CR1L: variants seen among roughly 807,000 people sequenced by gnomAD.
CR1L encodes complement C3b/C4b receptor 1 like.
Under a neutral mutation model 62.3 loss-of-function variants are expected in CR1L, and 59 were observed. The ratio of observed to expected loss-of-function variants is 0.95; its 90% CI spans 0.77 to 1.18. The LOEUF (loss-of-function observed/expected upper bound fraction) is 1.18. CR1L is among the 50% of genes most tolerant of loss of function. CR1L has a pLI of 0.00. For missense variants in CR1L, 700 were observed against 702.8 expected (o/e 1.00, Z 0.04); for synonymous variants, 279 against 248.7 (o/e 1.12, Z -1.15).
chr1:207,651,340 A>G (rs991132072), intron 1 of CR1L, among the ~76,000 whole-genome samples: 1 of 152,200 alleles, frequency 6.6e-6, no homozygotes, highest in Non-Finnish European at 1.5e-5. Flanking sequence ...AGGACATGAT[A>G]TATAAAGAAA....
chr1:207,658,086 A>T (rs189994444), intron 1 of CR1L, among the ~76,000 whole-genome samples: 64 of 152,340 alleles, frequency 4.2e-4, no homozygotes, highest in African/African-American at 1.4e-3. Context: ...GAATTGAATC[A>T]TAACACATCA....
chr1:207,677,179 G>A lies in CR1L; in HGVS notation c.98-210G>A, dbSNP rs187761228. On this transcript the variant is annotated intron_variant, in intron 1 of 11. Transcript: ENST00000508064. Reference sequence around the variant, plus strand: ...TCTACTAAAAATTCAAAAATTAGCCGGATGTGATGGCAGGCGCCTGTAATC... The same window carrying A: ...TCTACTAAAAATTCAAAAATTAGCCAGATGTGATGGCAGGCGCCTGTAATC... Among the ~76,000 whole-genome samples, 731 of 151,650 alleles carry A rather than the reference G, an allele frequency of 4.8e-3. 6 individuals are homozygous for A. The highest frequency in any genetic ancestry group is 8.0e-3 in the Non-Finnish European group (544 of 67,868).
intron 1 of CR1L, among the ~76,000 whole-genome samples, chr1:207,650,788 ATTT>A (rs59483254): frequency 2.5e-4 from 36 of 146,702 alleles, no homozygotes; most frequent in Non-Finnish European, 3.9e-4. Flanking sequence ...TGCAGTGTAG[ATTT>A]TTTTTTTTTT....
intron 8 of CR1L, 29 bp from the exon 9 acceptor site, chr1:207,701,490 C>G (rs776660607): frequency 1.2e-6 from 2 of 1,612,852 alleles, no homozygotes; most frequent in Non-Finnish European, 1.7e-6. Flanking sequence ...ATTACTCTAC[C>G]TGGCTCCAAA....
rs1006745927 is a variant in CR1L, at chr1:207,718,413, G to T, written c.1642+722G>T. Among the ~76,000 whole-genome samples the T allele has an allele frequency of 1.3e-5, 2 of 152,138 alleles. 1 individual carries two copies. Among genetic ancestry groups the T allele is most frequent in the South Asian group, 4.1e-4 (2 of 4,826 alleles). On this transcript the variant is annotated intron_variant, in intron 11 of 11. Coordinates refer to ENST00000508064, the MANE Select transcript of CR1L (RefSeq NM_175710.2). ...GACAGAAGAGCATTGAATTATAAAA[G>T]GTGTTGACTTTTTAATGTGTTCTTT... is the stretch of plus-strand genomic sequence containing the variant.
intron 4 of CR1L, among the ~76,000 whole-genome samples, chr1:207,690,051 A>C (rs1361775382): frequency 6.6e-6 from 1 of 152,004 alleles, no homozygotes; most frequent in East Asian, 1.9e-4. Flanking sequence ...TAAGCTTTTC[A>C]TATAAACTAC....
chr1:207,683,902 A>G lies in CR1L; in HGVS notation c.408A>G (p.Thr136=), dbSNP rs768263621. Residue 136 remains threonine (T), a synonymous_variant, in exon 4 of 12, where the codon ACA becomes ACG. Coordinates refer to ENST00000508064, the MANE Select transcript of CR1L (RefSeq NM_175710.2). ...GYRLIGSSSA[T]CIISGNTVIW... Reference sequence around the variant, plus strand: ...GACTCATTGGTTCCTCGTCTGCCACATGCATCATCTCAGGCAACACTGTCA... The same window carrying G: ...GACTCATTGGTTCCTCGTCTGCCACGTGCATCATCTCAGGCAACACTGTCA... 1.2e-6 allele frequency: 2 copies of G among 1,613,574 alleles called. No individual in the cohort carries two copies. The highest frequency in any genetic ancestry group is 8.5e-7 in the Non-Finnish European group (1 of 1,179,640).
intron 3 of CR1L, among the ~76,000 whole-genome samples, chr1:207,681,304 C>T (rs1663792422): frequency 6.6e-6 from 1 of 152,122 alleles, no homozygotes; most frequent in Admixed American, 6.5e-5. Flanking sequence ...TTTCCTGAAC[C>T]ATGGCTTAAC....
intron 1 of CR1L, among the ~76,000 whole-genome samples, chr1:207,654,106 C>G (rs1663269632): frequency 6.6e-6 from 1 of 152,144 alleles, no homozygotes. Flanking sequence ...TCTTAATGCC[C>G]TAATCATTTC....
At chr1:207,696,132 C>T (rs1337061440) in intron 5 of CR1L, among the ~76,000 whole-genome samples, 2 of 152,198 alleles carry the variant, frequency 1.3e-5, no homozygotes, top group Non-Finnish European at 2.9e-5. Flanking sequence ...GCACAGGAGC[C>T]TGGAGGGATG....
intron 4 of CR1L, among the ~76,000 whole-genome samples, chr1:207,692,526 G>A (rs148314918): frequency 3.8e-3 from 581 of 152,264 alleles, no homozygotes; most frequent in African/African-American, 0.013. Context: ...CCTGCCCTCT[G>A]TGCCCTGCAT....
chr1:207,722,004 C>T (rs2102486512), intron 11 of CR1L, among the ~76,000 whole-genome samples: 1 of 76,420 alleles, frequency 1.3e-5, no homozygotes, highest in African/African-American at 4.3e-5. Context: ...TGAGAAGTGT[C>T]TGTTCATGTC....
At chr1:207,713,984 C>T (rs185950031) in intron 10 of CR1L, among the ~76,000 whole-genome samples, 1 of 152,332 alleles carries the variant, frequency 6.6e-6, no homozygotes, top group East Asian at 1.9e-4. Context: ...ACTTCCCTCC[C>T]CTAGGAGACG....
intron 1 of CR1L, among the ~76,000 whole-genome samples, chr1:207,668,436 A>G (rs970733286): frequency 5.9e-5 from 9 of 151,312 alleles, no homozygotes; most frequent in Middle Eastern, 3.4e-3. Flanking sequence ...CAAATCCTGT[A>G]TGATATCAGT....
intron 10 of CR1L, chr1:207,710,787 G>T: frequency 6.3e-7 from 1 of 1,592,492 alleles, no homozygotes. Context: ...CTCCAGGGGT[G>T]TGTTTGCCTG....
Position 207,697,767 on chromosome 1 carries a change from C to T in CR1L, c.1040-4C>T. The stretch of plus-strand genomic sequence containing the variant: ...TATTTCTGTTCGTTTTTCTTTTTTT[C>T]CAGTGAAATCCTGTGATGACTTCCT... On this transcript the variant is annotated splice_polypyrimidine_tract_variant and splice_region_variant and intron_variant, in intron 6 of 11. Transcript: ENST00000508064. The T allele has an allele frequency of 6.2e-7, 1 of 1,613,766 alleles. No homozygotes were observed. Among genetic ancestry groups the T allele is most frequent in the Non-Finnish European group, 8.5e-7 (1 of 1,179,830 alleles).
chr1:207,681,968 G>A (rs1663805710), intron 3 of CR1L, among the ~76,000 whole-genome samples: 1 of 151,858 alleles, frequency 6.6e-6, no homozygotes, highest in South Asian at 2.1e-4. Context: ...GACACAGGGA[G>A]GGGAGCATCA....
intron 1 of CR1L, among the ~76,000 whole-genome samples, chr1:207,651,234 G>A (rs1185088506): frequency 6.6e-6 from 1 of 152,032 alleles, no homozygotes; most frequent in Admixed American, 6.5e-5. Context: ...GAAAAAATAA[G>A]TCAAGATACT....
intron 1 of CR1L, among the ~76,000 whole-genome samples, chr1:207,657,649 A>G (rs1663337468): frequency 6.6e-6 from 1 of 152,200 alleles, no homozygotes; most frequent in Non-Finnish European, 1.5e-5. Context: ...CTTGTATTAC[A>G]AGAAATCTAA....
Sources: gnomAD v4.1 joint callset for allele counts (sites outside exome capture counted in the v4.1 genomes callset) on GRCh38, gnomAD v4.1.1 for gene constraint, MANE v1.5 for transcripts, NCBI Gene and HGNC (gene_info 2026-07-23, HGNC 2026-07-21) for gene names.